Variants in SMPD1 observed in about 807,000 individuals in gnomAD.
SMPD1 encodes the protein sphingomyelin phosphodiesterase 1.
SMPD1 carries 47 observed loss-of-function variants against 49.7 expected under a neutral mutation model. That is an observed-to-expected ratio of 0.95 (90% CI 0.75 to 1.21). The LOEUF is 1.21. Ranked by LOEUF, SMPD1 falls within the 50% of genes most tolerant of loss-of-function variation. The pLI is 0.00. For synonymous variants in SMPD1, 336 were observed against 339.6 expected, an observed-to-expected ratio of 0.99 and a Z score of 0.12; for missense variants, 811 against 822.2, an observed-to-expected ratio of 0.99 and a Z score of 0.17.
At position 6,390,687 on chromosome 11, in the gene SMPD1, T is replaced by G. The variant is rs1590735050; in HGVS notation, c.89T>G (p.Leu30Arg). ...GACGGGACCGCCGGAGCCCCCGGAC[T>G]CCTTTGGATGGGCCTGGTGCTGGCG... Reference protein sequence around the residue: ...GQDGTAGAPGLLWMGLVLALA... With the variant: ...GQDGTAGAPGRLWMGLVLALA... Residue 30 changes from leucine (L) to arginine (R), a missense_variant, in exon 1 of 6, where the codon CTC becomes CGC. Leu to Arg is a moderately radical substitution (Grantham distance 102). Transcript: ENST00000342245. The G allele has an allele frequency of 1.2e-6, 2 of 1,605,856 alleles. No individual in the cohort carries two copies. The highest frequency in any genetic ancestry group is 4.5e-5 in the East Asian group (2 of 44,600).
chr11:6,394,282 C>T lies in SMPD1; in HGVS notation c.1571C>T (p.Thr524Ile), dbSNP rs1332859781. 2 of 1,614,226 alleles carry T rather than the reference C, an allele frequency of 1.2e-6. No homozygotes were observed. Among genetic ancestry groups the T allele is most frequent in the East Asian group, 2.2e-5 (1 of 44,888 alleles). ...CATGAGACCTACATCCTGAATCTGA[C>T]CCAGGCAAACATACCGGGAGCCATA... ...LDHETYILNL[T>I]QANIPGAIPH... The change falls in exon 6 of 6, where the codon ACC becomes ATC. Residue 524 changes from threonine to isoleucine, a missense_variant. By Grantham distance (89) the Thr-to-Ile change is moderately conservative (BLOSUM62 -1). Coordinates refer to ENST00000342245, the MANE Select transcript of SMPD1 (RefSeq NM_000543.5).
Position 6,394,554 on chromosome 11 carries a change from G to T in SMPD1, c.1843G>T (p.Asp615Tyr). ...TGCTCTGTGCCGCCACCTGATGCCA[G>T]ATGGGAGCCTCCCAGAGGCCCAGAG... is the stretch of plus-strand genomic sequence containing the variant. The part of the protein sequence containing the change: ...SPALCRHLMP[D>Y]GSLPEAQSLW... The change falls in exon 6 of 6, where the codon GAT (aspartate) becomes TAT (tyrosine). Residue 615 changes from aspartate (D) to tyrosine (Y), a missense_variant. Physicochemically the swap from Asp to Tyr is radical, Grantham distance 160 (BLOSUM62 -3). Coordinates refer to ENST00000342245, the MANE Select transcript of SMPD1 (RefSeq NM_000543.5). 6.2e-7 allele frequency: 1 copy of T among 1,607,982 alleles called. No individual in the cohort carries two copies. The highest frequency in any genetic ancestry group is 2.2e-5 in the East Asian group (1 of 44,880).
Position 6,391,400 on chromosome 11 carries a change from C to T in SMPD1, c.335C>T (p.Ala112Val), listed in dbSNP as rs1220373368. Residue 112 changes from alanine (A) to valine (V), a missense_variant, in exon 2 of 6, where the codon GCT (alanine) becomes GTT (valine). Transcript: ENST00000342245. The part of the protein sequence containing the change: ...NLGLKKEPNV[A>V]RVGSVAIKLC... Reference sequence around the variant, plus strand: ...CCACTGCAGAAGGAACCCAATGTGGCTCGCGTGGGCTCCGTGGCCATCAAG... The same window carrying T: ...CCACTGCAGAAGGAACCCAATGTGGTTCGCGTGGGCTCCGTGGCCATCAAG... 1.2e-6 allele frequency: 2 copies of T among 1,612,588 alleles called. No homozygotes were observed. The highest frequency in any genetic ancestry group is 1.7e-6 in the Non-Finnish European group (2 of 1,179,982).
In SMPD1 at chr11:6,394,494, CTT is replaced by C. The variant is rs1057516403; in HGVS notation, c.1785_1786del (p.Ala597ProfsTer7). ...TGGCACGCCCTGCCGTCTGGCTACT[CTT>C]TGTGCCCAGCTCTCTGCCCGTGCTG... is the stretch of plus-strand genomic sequence containing the variant. Reference protein sequence around the residue: ...PCGTPCRLATLCAQLSARADS... With the variant: ...PCGTPCRLATXCAQLSARADS... On this transcript the variant is annotated frameshift_variant, in exon 6 of 6. Coordinates refer to ENST00000342245, the MANE Select transcript of SMPD1 (RefSeq NM_000543.5). LOFTEE classifies it low-confidence loss of function (END_TRUNC). 10 of 1,613,530 alleles carry C rather than the reference CTT, an allele frequency of 6.2e-6. No homozygotes were observed. The highest frequency in any genetic ancestry group is 8.5e-6 in the Non-Finnish European group (10 of 1,180,038).
rs776573567 is a variant in SMPD1, at chr11:6,390,729, C to A, written c.131C>A (p.Ala44Glu). ...GLVLALALAL[A>E]LALALSDSRV... ...GTGCTGGCGCTGGCGCTGGCGCTGG[C>A]GCTGGCGCTGGCTCTGTCTGACTCT... Residue 44 changes from alanine to glutamate, a missense_variant, in exon 1 of 6, where the codon GCG becomes GAG. Physicochemically the swap from Ala to Glu is moderately radical, Grantham distance 107. Coordinates refer to ENST00000342245, the MANE Select transcript of SMPD1 (RefSeq NM_000543.5). 1.2e-6 allele frequency: 2 copies of A among 1,612,282 alleles called. No individual in the cohort carries two copies. Among genetic ancestry groups the A allele is most frequent in the Non-Finnish European group, 1.7e-6 (2 of 1,178,898 alleles).
Position 6,393,297 on chromosome 11 carries a change from C to G in SMPD1, c.1173C>G (p.Asn391Lys). ...ATATGAATTTTTGTTCCCGTGAGAA[C>G]TTCTGGCTCTTGATCAACTCCACGG... ...SLNMNFCSRE[N>K]FWLLINSTDP... is the part of the protein sequence containing the mutation. The change falls in exon 3 of 6, where the codon AAC becomes AAG. Residue 391 changes from asparagine to lysine, a missense_variant. Asn to Lys is a moderately conservative substitution (Grantham distance 94). Coordinates refer to ENST00000342245, the MANE Select transcript of SMPD1 (RefSeq NM_000543.5). The G allele has an allele frequency of 6.2e-7, 1 of 1,614,008 alleles. No homozygotes were observed. Among genetic ancestry groups the G allele is most frequent in the Non-Finnish European group, 8.5e-7 (1 of 1,179,874 alleles).
chr11:6,391,422 C>T lies in SMPD1; in HGVS notation c.357C>T (p.Ile119=). The change falls in exon 2 of 6, where the codon ATC becomes ATT. Residue 119 remains isoleucine (I), a synonymous_variant. Transcript: ENST00000342245. ...TGGCTCGCGTGGGCTCCGTGGCCAT[C>T]AAGCTGTGCAATCTGCTGAAGATAG... ...PNVARVGSVA[I]KLCNLLKIAP... The T allele has an allele frequency of 6.2e-7, 1 of 1,613,336 alleles. No homozygotes were observed. The highest frequency in any genetic ancestry group is 1.3e-5 in the African/African-American group (1 of 75,034).
At position 6,393,633 on chromosome 11, in the gene SMPD1, A is replaced by T. The variant is rs794727629; in HGVS notation, c.1280A>T (p.His427Leu). The T allele has an allele frequency of 6.2e-7, 1 of 1,613,808 alleles. No individual in the cohort carries two copies. Reference sequence around the variant, plus strand: ...CCCTACTAGGTGCATATAATTGGCCACATTCCCCCAGGGCACTGTCTGAAG... The same window carrying T: ...CCCTACTAGGTGCATATAATTGGCCTCATTCCCCCAGGGCACTGTCTGAAG... ...DRGDKVHIIG[H>L]IPPGHCLKSW... Residue 427 changes from histidine to leucine, a missense_variant, in exon 4 of 6, where the codon CAC (histidine) becomes CTC (leucine). Transcript: ENST00000342245.
In SMPD1 at chr11:6,392,133, T is replaced by G; in HGVS notation, c.1068T>G (p.Pro356=). 1 of 1,614,150 alleles carries G rather than the reference T, an allele frequency of 6.2e-7. No individual in the cohort carries two copies. Among genetic ancestry groups the G allele is most frequent in the Non-Finnish European group, 8.5e-7 (1 of 1,180,042 alleles). ...AMAKAWEPWL[P]AEALRTLRIG... Reference sequence around the variant, plus strand: ...CCAAGGCTTGGGAGCCCTGGCTGCCTGCCGAAGCCCTGCGCACCCTCAGGT... The same window carrying G: ...CCAAGGCTTGGGAGCCCTGGCTGCCGGCCGAAGCCCTGCGCACCCTCAGGT... Residue 356 remains proline, a synonymous_variant, in exon 2 of 6, where the codon CCT becomes CCG. Coordinates refer to ENST00000342245, the MANE Select transcript of SMPD1 (RefSeq NM_000543.5).
chr11:6,393,703 A>G lies in SMPD1; in HGVS notation c.1340+10A>G, dbSNP rs759367464. The G allele has an allele frequency of 6.2e-7, 1 of 1,611,602 alleles. No homozygotes were observed. Among genetic ancestry groups the G allele is most frequent in the Non-Finnish European group, 8.5e-7 (1 of 1,177,694 alleles). On this transcript the variant is annotated intron_variant, in intron 4 of 5. Coordinates refer to ENST00000342245, the MANE Select transcript of SMPD1 (RefSeq NM_000543.5). ...ACCGAATTGTAGCCAGGTAGGACGG[A>G]GATGAGGGTGGGAATAGGGACAGGG...
intron 2 of SMPD1, 100 bp downstream of exon 2, chr11:6,392,256 A>G (rs1847960290): frequency 1.6e-6 from 2 of 1,280,250 alleles, no homozygotes; most frequent in Admixed American, 3.8e-5. Context: ...CTCTAGCATG[A>G]GTCCTTAGTG....
In SMPD1 at chr11:6,390,924, C is replaced by G; in HGVS notation, c.318+8C>G. On this transcript the variant is annotated splice_region_variant and intron_variant, in intron 1 of 5. Transcript: ENST00000342245. ...ATCAACCTCGGGCTGAAGGTGAGCA[C>G]TGAAGGGGCTGCAGTGGAGGAGGCC... 1 of 1,613,910 alleles carries G rather than the reference C, an allele frequency of 6.2e-7. No homozygotes were observed.
At chr11:6,393,411 G>T in intron 3 of SMPD1, 24 bp downstream of exon 3, 1 of 1,603,824 alleles carries the variant, frequency 6.2e-7, no homozygotes, top group Non-Finnish European at 8.5e-7. Flanking sequence ...GTGGGAACAC[G>T]GTGGTGCTGG....
In SMPD1 at chr11:6,394,021, C is replaced by T; in HGVS notation, c.1466C>T (p.Thr489Ile). ...GCCTTCCTGGCACCCAGTGCAACTA[C>T]CTACATCGGCCTTAATCCTGGTGAG... is the stretch of plus-strand genomic sequence containing the variant. ...AVAFLAPSAT[T>I]YIGLNPGYRV... The change falls in exon 5 of 6, where the codon ACC becomes ATC. Residue 489 changes from threonine (T) to isoleucine (I), a missense_variant. By Grantham distance (89) the Thr-to-Ile change is moderately conservative. Transcript: ENST00000342245. 3 of 1,614,168 alleles carry T rather than the reference C, an allele frequency of 1.9e-6. No individual in the cohort carries two copies. The highest frequency in any genetic ancestry group is 2.5e-6 in the Non-Finnish European group (3 of 1,180,038).
intron 1 of SMPD1, 146 bp downstream of exon 1, chr11:6,391,062 G>A: frequency 9.1e-7 from 1 of 1,097,776 alleles, no homozygotes; most frequent in Non-Finnish European, 1.3e-6. Flanking sequence ...GCTCCCCTTT[G>A]GGGACACCCA....
At chr11:6,390,949 C>G (rs754523872) in intron 1 of SMPD1, 33 bp downstream of exon 1, 3 of 1,611,802 alleles carry the variant, frequency 1.9e-6, no homozygotes, top group Non-Finnish European at 1.7e-6. Flanking sequence ...TGGAGGAGGC[C>G]GAAAGGAGTG....
intron 1 of SMPD1, 73 bp from the exon 2 acceptor site, chr11:6,391,311 G>A: frequency 6.7e-7 from 1 of 1,483,272 alleles, no homozygotes; most frequent in Non-Finnish European, 9.4e-7. Context: ...AGGCCCAAGG[G>A]GTGGTGGCCA....
Position 6,393,638 on chromosome 11 carries a change from C to T in SMPD1, c.1285C>T (p.Pro429Ser). 1 of 1,613,570 alleles carries T rather than the reference C, an allele frequency of 6.2e-7. No individual in the cohort carries two copies. The highest frequency in any genetic ancestry group is 8.5e-7 in the Non-Finnish European group (1 of 1,179,524). Reference protein sequence around the residue: ...GDKVHIIGHIPPGHCLKSWSW... With the variant: ...GDKVHIIGHISPGHCLKSWSW... ...CTAGGTGCATATAATTGGCCACATT[C>T]CCCCAGGGCACTGTCTGAAGAGCTG... Residue 429 changes from proline (P) to serine (S), a missense_variant, in exon 4 of 6, where the codon CCC becomes TCC. Physicochemically the swap from Pro to Ser is moderately conservative, Grantham distance 74. Coordinates refer to ENST00000342245, the MANE Select transcript of SMPD1 (RefSeq NM_000543.5).
rs781602082 is a variant in SMPD1 at position 6,393,214 on chromosome 11, A to G, written c.1092-2A>G. 6.2e-7 allele frequency: 1 copy of G among 1,613,612 alleles called. No individual in the cohort carries two copies. The highest frequency in any genetic ancestry group is 8.5e-7 in the Non-Finnish European group (1 of 1,179,640). The stretch of plus-strand genomic sequence containing the variant: ...TGACCTCTCATGTTTACTTTGTTTC[A>G]GAATTGGGGGGTTCTATGCTCTTTC... On this transcript the variant is annotated splice_acceptor_variant, in intron 2 of 5. Coordinates refer to ENST00000342245, the MANE Select transcript of SMPD1 (RefSeq NM_000543.5). LOFTEE classifies it high-confidence loss of function.
Sources: gnomAD v4.1 joint callset for allele counts on GRCh38, gnomAD v4.1.1 for gene constraint, MANE v1.5 for transcripts, NCBI Gene and HGNC (gene_info 2026-07-23, HGNC 2026-07-21) for gene names.